The following SORCS1 variants were observed in gnomAD, a reference collection of about 807,000 sequenced individuals.
SORCS1 encodes sortilin related VPS10 domain containing receptor 1, also known as VPS10 domain-containing receptor SorCS1.
SORCS1 carries 60 observed loss-of-function variants against 146.1 expected under a neutral mutation model. That is an observed-to-expected ratio of 0.41 (90% CI 0.33 to 0.51). The LOEUF is 0.51. Ranked by LOEUF, SORCS1 falls within the 20% of genes least tolerant of loss-of-function variation. The probability of loss-of-function intolerance (pLI) is 0.21; values close to 1 mark genes in which losing one functional copy is unlikely to be tolerated. For synonymous variants in SORCS1, 637 were observed against 584.0 expected (o/e 1.09, Z -1.31); for missense variants, 1,352 against 1,487.6 (o/e 0.91, Z 1.50).
intron 8 of SORCS1, among the ~76,000 whole-genome samples, chr10:106,702,529 G>A (rs1854208687): frequency 6.6e-6 from 1 of 152,164 alleles, no homozygotes; most frequent in Non-Finnish European, 1.5e-5. Context: ...AAACACAGAT[G>A]TATCAAATAT....
intron 1 of SORCS1, among the ~76,000 whole-genome samples, chr10:107,065,462 C>T (rs1431971028): frequency 0.011 from 845 of 78,676 alleles, 33 homozygotes; most frequent in African/African-American, 0.054. Flanking sequence ...CTCTCTTTCT[C>T]TCTCCCTCTC....
At chr10:106,859,242 G>T (rs1353513534) in intron 2 of SORCS1, among the ~76,000 whole-genome samples, 1 of 152,140 alleles carries the variant, frequency 6.6e-6, no homozygotes, top group Non-Finnish European at 1.5e-5. Flanking sequence ...TGACAACCCA[G>T]ATTCCCTGGC....
intron 18 of SORCS1, among the ~76,000 whole-genome samples, chr10:106,641,573 T>G (rs922136516): frequency 1.3e-5 from 2 of 152,164 alleles, no homozygotes; most frequent in African/African-American, 4.8e-5. Flanking sequence ...TTTCAAATGT[T>G]AAGAGTCTTT....
intron 1 of SORCS1, among the ~76,000 whole-genome samples, chr10:106,993,650 GAAACTGTCAAC>G (rs1478352916): frequency 2.0e-5 from 3 of 152,042 alleles, no homozygotes; most frequent in Non-Finnish European, 2.9e-5. Context: ...GTTCACAGTT[GAAACTGTCAAC>G]ACTTTGTTTG....
chr10:106,862,133 C>G (rs1341892284), intron 2 of SORCS1, among the ~76,000 whole-genome samples: 2 of 152,154 alleles, frequency 1.3e-5, no homozygotes, highest in East Asian at 3.9e-4. Flanking sequence ...TTTAAGAATT[C>G]CAGTATCAGG....
chr10:106,871,466 C>T (rs983545652), intron 2 of SORCS1, among the ~76,000 whole-genome samples: 5 of 152,256 alleles, frequency 3.3e-5, no homozygotes, highest in Admixed American at 6.5e-5. Context: ...GCACAATTCA[C>T]GATAGCAAAG....
At chr10:106,679,875 A>G (rs1016297369) in intron 10 of SORCS1, 141 bp from the exon 11 acceptor site, 2 of 623,876 alleles carry the variant, frequency 3.2e-6, no homozygotes, top group Non-Finnish European at 5.7e-6. Context: ...CATTGTATCT[A>G]TACCTACCCA....
chr10:107,024,111 T>C (rs1028626672), intron 1 of SORCS1, among the ~76,000 whole-genome samples: 1 of 146,766 alleles, frequency 6.8e-6, no homozygotes, highest in African/African-American at 2.5e-5. Context: ...GAGGTGGAGG[T>C]TGCAGTGAGC....
intron 3 of SORCS1, among the ~76,000 whole-genome samples, chr10:106,812,278 G>T (rs998254372): frequency 6.6e-6 from 1 of 152,200 alleles, no homozygotes; most frequent in Non-Finnish European, 1.5e-5. Flanking sequence ...GGGATTACAG[G>T]TGTGAGCCAC....
chr10:106,752,717 T>A (rs539516229), intron 5 of SORCS1, among the ~76,000 whole-genome samples: 68 of 152,282 alleles, frequency 4.5e-4, no homozygotes, highest in African/African-American at 1.6e-3. Flanking sequence ...AGAGGCTTTT[T>A]CATTATTTCT....
rs35691571 is a variant in SORCS1 at position 106,751,058 on chromosome 10, CAAAAAAAAAAAAAAAAAAAAAAA to C, written c.959+10507_959+10529del. Among the ~76,000 whole-genome samples the C allele has an allele frequency of 8.9e-5, 2 of 22,430 alleles. 1 individual carries two copies. The highest frequency in any genetic ancestry group is 1.8e-3 in the Admixed American group (2 of 1,140). The allele number at this position is 22,430 out of a possible 152,430, so 14.7% of individuals were successfully genotyped here. A position where few individuals can be genotyped will look rare whatever the true frequency, so the allele number is the denominator to read the frequency against. The stretch of plus-strand genomic sequence containing the variant: ...TGGGCGACAGGGTGAGACTCCGTCT[CAAAAAAAAAAAAAAAAAAAAAAA>C]AAAAAAAAAAAAATGCGGAGGAGGT... On this transcript the variant is annotated intron_variant, in intron 5 of 25. Coordinates refer to ENST00000263054, the MANE Select transcript of SORCS1 (RefSeq NM_052918.5).
At chr10:106,817,728 T>G (rs1174182055) in intron 3 of SORCS1, among the ~76,000 whole-genome samples, 1 of 152,230 alleles carries the variant, frequency 6.6e-6, no homozygotes. Context: ...CATTTCCAAC[T>G]ACATAGTTCT....
chr10:106,908,786 C>T (rs1952021459), intron 2 of SORCS1, among the ~76,000 whole-genome samples: 1 of 152,314 alleles, frequency 6.6e-6, no homozygotes, highest in African/African-American at 2.4e-5. Context: ...CCGCTTTTCC[C>T]AGTCAGCCTC....
At chr10:107,179,268 A>G in the SORCS1 span, among the ~76,000 whole-genome samples, 1 of 152,152 alleles carries the variant, frequency 6.6e-6, no homozygotes, top group Admixed American at 6.5e-5. Flanking sequence ...TCCTAAAAGA[A>G]TTTATTTTTA....
At chr10:106,906,255 C>T (rs1004187996) in intron 2 of SORCS1, among the ~76,000 whole-genome samples, 1 of 152,166 alleles carries the variant, frequency 6.6e-6, no homozygotes, top group Non-Finnish European at 1.5e-5. Flanking sequence ...GCTGGGATTA[C>T]AGGTGCCCAC....
At chr10:106,621,906 C>T (rs914476820) in intron 19 of SORCS1, among the ~76,000 whole-genome samples, 5 of 152,130 alleles carry the variant, frequency 3.3e-5, no homozygotes, top group African/African-American at 9.7e-5. Context: ...TTTCACCACC[C>T]GAATCCATCC....
intron 3 of SORCS1, among the ~76,000 whole-genome samples, chr10:106,826,581 G>GC (rs1948315373): frequency 6.6e-6 from 1 of 152,274 alleles, no homozygotes; most frequent in Admixed American, 6.5e-5. Flanking sequence ...CTTTGGGTGG[G>GC]CGGAGTACAT....
intron 1 of SORCS1, among the ~76,000 whole-genome samples, chr10:106,993,346 T>C (rs1361939175): frequency 1.3e-5 from 2 of 152,210 alleles, no homozygotes; most frequent in Non-Finnish European, 2.9e-5. Context: ...TTTTATTACA[T>C]CTCAGTGCAA....
intron 2 of SORCS1, among the ~76,000 whole-genome samples, chr10:106,869,081 G>C (rs951962454): frequency 2.6e-5 from 4 of 152,046 alleles, no homozygotes; most frequent in Non-Finnish European, 4.4e-5. Context: ...ATACAAACTA[G>C]AAATCCTAGA....
Sources: allele counts gnomAD v4.1 joint callset (sites outside exome capture counted in the v4.1 genomes callset), GRCh38; gene constraint gnomAD v4.1.1; transcripts MANE v1.5; gene names NCBI Gene and HGNC (gene_info 2026-07-23, HGNC 2026-07-21).